Variants in EMCN observed in about 807,000 individuals in gnomAD.
EMCN encodes endomucin.
Under a neutral mutation model 38.4 loss-of-function variants are expected in EMCN, and 37 were observed. The ratio of observed to expected loss-of-function variants is 0.96; its 90% CI spans 0.74 to 1.27. The LOEUF is 1.27. EMCN is among the 50% of genes most tolerant of loss of function. The probability of loss-of-function intolerance (pLI) is 0.00; values close to 1 mark genes in which losing one functional copy is unlikely to be tolerated. For missense variants in EMCN, 318 were observed against 302.8 expected, an observed-to-expected ratio of 1.05 and a Z score of -0.37; for synonymous variants, 95 against 100.8, an observed-to-expected ratio of 0.94 and a Z score of 0.35.
intron 1 of EMCN, among the ~76,000 whole-genome samples, chr4:100,492,828 G>A (rs902789222): frequency 2.0e-5 from 3 of 152,150 alleles, no homozygotes; most frequent in African/African-American, 4.8e-5. Flanking sequence ...GTGGTGTAGT[G>A]TAGGGAGTAG....
At chr4:100,508,051 A>T (rs1206104581) in intron 1 of EMCN, among the ~76,000 whole-genome samples, 1 of 152,252 alleles carries the variant, frequency 6.6e-6, no homozygotes, top group Non-Finnish European at 1.5e-5. Context: ...AACAGGATGA[A>T]AATGAAGCAA....
At chr4:100,423,640 C>G (rs1037627481) in intron 5 of EMCN, among the ~76,000 whole-genome samples, 2 of 152,042 alleles carry the variant, frequency 1.3e-5, no homozygotes, top group African/African-American at 4.8e-5. Context: ...AGGAACTCGC[C>G]AAGAAAACTT....
intron 1 of EMCN, among the ~76,000 whole-genome samples, chr4:100,517,256 G>A (rs1394794010): frequency 6.6e-6 from 1 of 151,948 alleles, no homozygotes; most frequent in Non-Finnish European, 1.5e-5. Flanking sequence ...GAAATGTTAT[G>A]CAAAATGTAT....
At chr4:100,439,455 C>T (rs1247967902) in intron 5 of EMCN, among the ~76,000 whole-genome samples, 3 of 150,864 alleles carry the variant, frequency 2.0e-5, no homozygotes, top group Non-Finnish European at 4.4e-5. Context: ...GTAGTCTTAA[C>T]GATCCTTTTA....
rs188683345 is a variant in EMCN at position 100,448,746 on chromosome 4, T to G, written c.377-1175A>C. 1.1e-3 allele frequency among the ~76,000 whole-genome samples: 165 copies of G among 152,050 alleles called. 2 individuals are homozygous for G. Among genetic ancestry groups the G allele is most frequent in the Admixed American group, 0.01 (158 of 15,280 alleles). On this transcript the variant is annotated intron_variant, in intron 4 of 11. Transcript: ENST00000296420. Reference sequence around the variant, plus strand: ...CCCTGTTTCGTTGTACTCCACCTCGTGGCTTTGCTGTGGCAGATTGAAGGC... The same window carrying G: ...CCCTGTTTCGTTGTACTCCACCTCGGGGCTTTGCTGTGGCAGATTGAAGGC...
At chr4:100,509,547 T>C (rs1470285428) in intron 1 of EMCN, among the ~76,000 whole-genome samples, 1 of 151,968 alleles carries the variant, frequency 6.6e-6, no homozygotes, top group Non-Finnish European at 1.5e-5. Context: ...CTGGGGAGAG[T>C]GCCCAAGAAC....
At chr4:100,470,617 G>T (rs1374971470) in intron 3 of EMCN, among the ~76,000 whole-genome samples, 3 of 151,818 alleles carry the variant, frequency 2.0e-5, no homozygotes, top group Non-Finnish European at 4.4e-5. Context: ...GAAGAGTAAA[G>T]GCATGCAATC....
intron 5 of EMCN, among the ~76,000 whole-genome samples, chr4:100,433,446 C>T (rs1237446511): frequency 6.6e-6 from 1 of 152,140 alleles, no homozygotes; most frequent in East Asian, 1.9e-4. Flanking sequence ...TTCATATCCT[C>T]TGGGTATATG....
At chr4:100,436,346 A>G (rs1378531836) in intron 5 of EMCN, among the ~76,000 whole-genome samples, 1 of 152,204 alleles carries the variant, frequency 6.6e-6, no homozygotes, top group Non-Finnish European at 1.5e-5. Context: ...ACGATTGTTA[A>G]AAAGTTAAGA....
intron 1 of EMCN, among the ~76,000 whole-genome samples, chr4:100,510,316 C>T (rs1447231651): frequency 6.6e-6 from 1 of 151,978 alleles, no homozygotes; most frequent in African/African-American, 2.4e-5. Flanking sequence ...GAAAATACAC[C>T]TGTTTGCATA....
chr4:100,497,543 A>AT (rs1729241542), intron 1 of EMCN, among the ~76,000 whole-genome samples: 1 of 152,038 alleles, frequency 6.6e-6, no homozygotes, highest in Admixed American at 6.6e-5. Flanking sequence ...CGCCTGGCTA[A>AT]TTTTTTTGTA....
intron 11 of EMCN, among the ~76,000 whole-genome samples, chr4:100,406,862 T>A (rs769856909): frequency 2.6e-5 from 4 of 152,152 alleles, no homozygotes; most frequent in Non-Finnish European, 5.9e-5. Context: ...TGGTTACCTA[T>A]GTCTCTTTGT....
chr4:100,428,317 C>G (rs1215737414), intron 5 of EMCN, among the ~76,000 whole-genome samples: 1 of 152,030 alleles, frequency 6.6e-6, no homozygotes, highest in Non-Finnish European at 1.5e-5. Flanking sequence ...TGACTCACTT[C>G]CTTCTTGTAT....
chr4:100,423,166 C>T, intron 6 of EMCN, 86 bp from the exon 7 acceptor site: 3 of 1,426,414 alleles, frequency 2.1e-6, no homozygotes, highest in Non-Finnish European at 3.0e-6. Context: ...AAGGAAACAG[C>T]CATGATTTGT....
At chr4:100,444,384 T>C (rs535442418) in intron 5 of EMCN, among the ~76,000 whole-genome samples, 27 of 152,268 alleles carry the variant, frequency 1.8e-4, no homozygotes, top group African/African-American at 6.5e-4. Flanking sequence ...CCCCTGTGGG[T>C]AGCATGCTGT....
At chr4:100,435,080 A>G (rs1417878514) in intron 5 of EMCN, among the ~76,000 whole-genome samples, 1 of 152,210 alleles carries the variant, frequency 6.6e-6, no homozygotes, top group African/African-American at 2.4e-5. Flanking sequence ...AGAGGAAGTC[A>G]TATTATCTTT....
rs1213098052 is a variant in EMCN at position 100,472,783 on chromosome 4, T to TA, written c.259+2254dup. ...TGATTCTGACATAACAATAGGCATA[T>TA]AGGTATAAGTGGAGTAGATTCGGGA... On this transcript the variant is annotated intron_variant, in intron 3 of 11. Coordinates refer to ENST00000296420, the MANE Select transcript of EMCN (RefSeq NM_016242.4). 2.4e-3 allele frequency among the ~76,000 whole-genome samples: 367 copies of TA among 152,058 alleles called. 2 individuals carry two copies. The highest frequency in any genetic ancestry group is 8.5e-3 in the African/African-American group (353 of 41,502).
At chr4:100,407,276 G>A (rs1726420499) in intron 11 of EMCN, among the ~76,000 whole-genome samples, 1 of 152,098 alleles carries the variant, frequency 6.6e-6, no homozygotes, top group Non-Finnish European at 1.5e-5. Flanking sequence ...GTTGTTACCT[G>A]GCGTTACGTA....
At chr4:100,471,077 G>A (rs530892186) in intron 3 of EMCN, among the ~76,000 whole-genome samples, 2 of 151,916 alleles carry the variant, frequency 1.3e-5, no homozygotes, top group South Asian at 2.1e-4. Flanking sequence ...ATACGAAGCC[G>A]TGGGAAAGAA....
Sources: gnomAD v4.1 joint callset for allele counts (sites outside exome capture counted in the v4.1 genomes callset) on GRCh38, gnomAD v4.1.1 for gene constraint, MANE v1.5 for transcripts, NCBI Gene and HGNC (gene_info 2026-07-23, HGNC 2026-07-21) for gene names.